ASCC1: variants seen among roughly 807,000 people sequenced by gnomAD.
ASCC1 encodes activating signal cointegrator 1 complex subunit 1.
ASCC1 carries 35 observed loss-of-function variants against 46.6 expected under a neutral mutation model. The observed-to-expected ratio is 0.75, with a 90% CI of 0.57 to 0.99. The LOEUF (loss-of-function observed/expected upper bound fraction) is 0.99. Ranked by LOEUF, ASCC1 falls within the 50% of genes least tolerant of loss-of-function variation. ASCC1 has a pLI of 0.00. For synonymous variants in ASCC1, 143 were observed against 146.6 expected, an observed-to-expected ratio of 0.98 and a Z score of 0.18; for missense variants, 376 against 428.7, an observed-to-expected ratio of 0.88 and a Z score of 1.09.
At chr10:72,103,558 T>G (rs944590317) in intron 9 of ASCC1, among the ~76,000 whole-genome samples, 3 of 152,104 alleles carry the variant, frequency 2.0e-5, no homozygotes, top group African/African-American at 4.8e-5. Flanking sequence ...ACCTTGGCAT[T>G]TGAGCAAACA....
chr10:72,193,842 ATT>A (rs57489181), intron 5 of ASCC1, among the ~76,000 whole-genome samples: 7,590 of 140,866 alleles, frequency 0.054, 416 homozygotes, highest in African/African-American at 0.14. Flanking sequence ...AATAATACTG[ATT>A]TTTTTTTTTT....
chr10:72,143,901 A>T (rs1253829309), intron 7 of ASCC1, among the ~76,000 whole-genome samples: 1 of 152,110 alleles, frequency 6.6e-6, no homozygotes, highest in Non-Finnish European at 1.5e-5. Context: ...TATTAGGCTC[A>T]TACAAGTTCA....
chr10:72,150,958 G>A (rs1848253124), intron 7 of ASCC1, among the ~76,000 whole-genome samples: 1 of 152,210 alleles, frequency 6.6e-6, no homozygotes, highest in Non-Finnish European at 1.5e-5. Flanking sequence ...AGGTGCTGGA[G>A]AGGATGTGGA....
intron 5 of ASCC1, among the ~76,000 whole-genome samples, chr10:72,171,974 G>C (rs1399936211): frequency 1.3e-5 from 2 of 152,132 alleles, no homozygotes; most frequent in East Asian, 3.8e-4. Context: ...ACCCTTCAGG[G>C]GAAGAAGACA....
chr10:72,201,031 C>A (rs1462829304), intron 4 of ASCC1, among the ~76,000 whole-genome samples: 3 of 152,194 alleles, frequency 2.0e-5, no homozygotes, highest in Non-Finnish European at 4.4e-5. Flanking sequence ...CTGACACGTG[C>A]GGCTCCTGTG....
intron 5 of ASCC1, among the ~76,000 whole-genome samples, chr10:72,169,850 T>G (rs1217387644): frequency 6.6e-6 from 1 of 152,224 alleles, no homozygotes; most frequent in Non-Finnish European, 1.5e-5. Context: ...CCGGGCGTGG[T>G]GGCTCACGCC....
intron 7 of ASCC1, among the ~76,000 whole-genome samples, chr10:72,134,686 T>C (rs1172119878): frequency 6.6e-6 from 1 of 152,210 alleles, no homozygotes; most frequent in African/African-American, 2.4e-5. Flanking sequence ...TTGACTCCCT[T>C]ATACCAGGGC....
intron 5 of ASCC1, among the ~76,000 whole-genome samples, chr10:72,167,089 C>T (rs576321440): frequency 6.6e-6 from 1 of 152,066 alleles, no homozygotes; most frequent in Non-Finnish European, 1.5e-5. Context: ...TACAATGCAG[C>T]CATTTCACTC....
At chr10:72,146,569 G>A (rs925466967) in intron 7 of ASCC1, among the ~76,000 whole-genome samples, 1 of 152,116 alleles carries the variant, frequency 6.6e-6, no homozygotes, top group East Asian at 1.9e-4. Context: ...AAGGTGGAGG[G>A]TTTAGAGAGT....
intron 9 of ASCC1, among the ~76,000 whole-genome samples, chr10:72,106,047 C>G (rs1296986673): frequency 9.9e-5 from 15 of 152,078 alleles, no homozygotes; most frequent in Admixed American, 9.8e-4. Context: ...TTGGCTTTCC[C>G]AAATGAGGCT....
chr10:72,203,356 G>A (rs1856769916), intron 4 of ASCC1, 71 bp downstream of exon 4: 5 of 1,059,444 alleles, frequency 4.7e-6, no homozygotes, highest in Non-Finnish European at 7.4e-6. Context: ...ACTAAACACT[G>A]CAGTTGGTTA....
In ASCC1 at chr10:72,203,539, A is replaced by T; in HGVS notation, c.213-15T>A. The T allele has an allele frequency of 6.5e-7, 1 of 1,544,234 alleles. No individual in the cohort carries two copies. Among genetic ancestry groups the T allele is most frequent in the Non-Finnish European group, 8.9e-7 (1 of 1,117,954 alleles). On this transcript the variant is annotated splice_polypyrimidine_tract_variant and intron_variant, in intron 3 of 9. Transcript: ENST00000672957. ...CAACTATATGCCTGTAACATAAAGT[A>T]ATTAAAAGAAGATTAAGTCAAAATG...
At chr10:72,127,151 T>C (rs1340614242) in intron 9 of ASCC1, among the ~76,000 whole-genome samples, 1 of 152,222 alleles carries the variant, frequency 6.6e-6, no homozygotes, top group African/African-American at 2.4e-5. Context: ...CGTTATCATA[T>C]ACTCCCTCCT....
intron 6 of ASCC1, chr10:72,159,231 C>T (rs548735821): frequency 6.6e-6 from 1 of 152,190 alleles, no homozygotes; most frequent in Non-Finnish European, 1.5e-5. Context: ...TGTTTTCATA[C>T]TGTCATGTCA....
chr10:72,172,074 C>T (rs1215007480), intron 5 of ASCC1, among the ~76,000 whole-genome samples: 1 of 152,152 alleles, frequency 6.6e-6, no homozygotes, highest in Non-Finnish European at 1.5e-5. Flanking sequence ...TCTGTATCGT[C>T]TTCTGATGTG....
Position 72,140,171 on chromosome 10 carries a change from C to T in ASCC1, c.747-6990G>A, listed in dbSNP as rs184216037. Among the ~76,000 whole-genome samples the T allele has an allele frequency of 8.0e-4, 122 of 152,144 alleles. 1 individual carries two copies. The Middle Eastern group carries it at 0.01, about 13-fold the overall frequency. On this transcript the variant is annotated intron_variant, in intron 7 of 9. Coordinates refer to ENST00000672957, the MANE Select transcript of ASCC1 (RefSeq NM_001198800.3). The stretch of plus-strand genomic sequence containing the variant: ...CAGCCAAATAACACATAACTCCCTG[C>T]CCCCAAGAATCTTACAGTCTATTTA...
chr10:72,130,610 A>G (rs1348257185), intron 8 of ASCC1, among the ~76,000 whole-genome samples: 2 of 152,236 alleles, frequency 1.3e-5, no homozygotes, highest in African/African-American at 4.8e-5. Context: ...CTCTGAACAA[A>G]TATTTAAGGA....
At chr10:72,159,899 G>GTTTT in intron 6 of ASCC1, among the ~76,000 whole-genome samples, 1 of 146,584 alleles carries the variant, frequency 6.8e-6, no homozygotes, top group African/African-American at 2.5e-5. Flanking sequence ...GTATTACACA[G>GTTTT]TTTCTTTTTT....
intron 9 of ASCC1, among the ~76,000 whole-genome samples, chr10:72,099,204 T>C (rs1032994145): frequency 9.9e-5 from 15 of 152,222 alleles, no homozygotes; most frequent in African/African-American, 3.6e-4. Flanking sequence ...GACCGACCCA[T>C]GACTTCACTT....
Sources: gnomAD v4.1 joint callset for allele counts (sites outside exome capture counted in the v4.1 genomes callset) on GRCh38, gnomAD v4.1.1 for gene constraint, MANE v1.5 for transcripts, NCBI Gene and HGNC (gene_info 2026-07-23, HGNC 2026-07-21) for gene names.